Variants in LSG1 observed in about 807,000 individuals in gnomAD.
LSG1 encodes the protein large subunit GTPase 1 homolog.
Under a neutral mutation model 82.6 loss-of-function variants are expected in LSG1, and 55 were observed. The ratio of observed to expected loss-of-function variants is 0.67; its 90% CI spans 0.54 to 0.83. The LOEUF is 0.83. Ranked by LOEUF, LSG1 falls within the 40% of genes least tolerant of loss-of-function variation. The pLI, the probability that LSG1 is intolerant of heterozygous loss-of-function variation, is 0.00. For missense variants in LSG1, 809 were observed against 807.9 expected, an observed-to-expected ratio of 1.00 and a Z score of -0.02; for synonymous variants, 272 against 282.5, an observed-to-expected ratio of 0.96 and a Z score of 0.37.
chr3:194,659,041 C>T lies in LSG1; in HGVS notation c.675G>A (p.Trp225Ter), dbSNP rs776162064. Residue 225 changes from tryptophan (W) to a stop codon, truncating the protein, a stop_gained, in exon 7 of 14, where the codon TGG becomes TGA. Transcript: ENST00000265245. LOFTEE classifies it high-confidence loss of function. ...CATCTTCTTTTTCGAAGTACATGGC[C>T]CAGGCACTCCGCTGCTCAGCAGTCA... ...DLLTAEQRSAWAMYFEKEDVK... is the reference protein window; with the variant it reads ...DLLTAEQRSA 1.2e-6 allele frequency: 2 copies of T among 1,614,046 alleles called. No individual in the cohort carries two copies. The highest frequency in any genetic ancestry group is 2.2e-5 in the South Asian group (2 of 91,092).
In LSG1 at chr3:194,642,098, ACTTTTTT is replaced by A. The variant is rs1040250843; in HGVS notation, c.1940_1946del (p.Glu647ValfsTer41). On this transcript the variant is annotated frameshift_variant, in exon 14 of 14. Coordinates refer to ENST00000265245, the MANE Select transcript of LSG1 (RefSeq NM_018385.3). LOFTEE classifies it high-confidence loss of function. Reference sequence around the variant, plus strand: ...TATCCAGGTGCTTGTAGAGTCTACGACTTTTTTCTTTTTTATTTCTGTTGCCATGTTT... The same window carrying A: ...TATCCAGGTGCTTGTAGAGTCTACGACTTTTTTATTTCTGTTGCCATGTTT... 3.1e-6 allele frequency: 5 copies of A among 1,612,854 alleles called. No individual in the cohort carries two copies. The African/African-American group carries it at 6.7e-5, about 22-fold the overall frequency.
At chr3:194,648,620 AT>A in intron 11 of LSG1, 60 bp downstream of exon 11, 1 of 1,525,738 alleles carries the variant, frequency 6.6e-7, no homozygotes, top group Non-Finnish European at 9.0e-7. Context: ...TACTATTCTT[AT>A]TTCTATTCAT....
chr3:194,665,529 T>C (rs771613732), intron 5 of LSG1, 28 bp downstream of exon 5: 50 of 1,552,428 alleles, frequency 3.2e-5, no homozygotes, highest in Non-Finnish European at 4.4e-5. Context: ...ACAATGTCTT[T>C]ATTACACAAA....
intron 11 of LSG1, among the ~76,000 whole-genome samples, chr3:194,647,825 G>T (rs2108615833): frequency 6.6e-6 from 1 of 152,302 alleles, no homozygotes; most frequent in South Asian, 2.1e-4. Flanking sequence ...AAAAGCAGGG[G>T]CTAGGAGGTG....
At chr3:194,649,156 G>A (rs1675954) in intron 10 of LSG1, 1 of 226,556 alleles carries the variant, frequency 4.4e-6, no homozygotes, top group Non-Finnish European at 8.6e-6. Context: ...CCTACAGTTA[G>A]GCAGGATTAC....
At chr3:194,663,310 C>A (rs1323759551) in intron 5 of LSG1, among the ~76,000 whole-genome samples, 1 of 152,196 alleles carries the variant, frequency 6.6e-6, no homozygotes, top group Admixed American at 6.5e-5. Flanking sequence ...AAGCCCTCCT[C>A]AAGCTTGAGT....
At chr3:194,656,134 A>G (rs1199063408) in intron 7 of LSG1, among the ~76,000 whole-genome samples, 2 of 151,978 alleles carry the variant, frequency 1.3e-5, no homozygotes, top group African/African-American at 2.4e-5. Flanking sequence ...TGGCAACAAA[A>G]GCCAAAATTG....
At chr3:194,646,361 G>A (rs1399763346) in intron 11 of LSG1, 118 bp from the exon 12 acceptor site, 1 of 695,446 alleles carries the variant, frequency 1.4e-6, no homozygotes, top group African/African-American at 1.8e-5. Context: ...AAAAAATTAG[G>A]TATCATTGTA....
chr3:194,664,758 A>G (rs901657808), intron 5 of LSG1, among the ~76,000 whole-genome samples: 2 of 151,628 alleles, frequency 1.3e-5, no homozygotes, highest in Non-Finnish European at 2.9e-5. Context: ...TACTAAAAAT[A>G]CAAAAAAAAA....
At chr3:194,654,253 C>G (rs1718746784) in intron 7 of LSG1, among the ~76,000 whole-genome samples, 1 of 152,154 alleles carries the variant, frequency 6.6e-6, no homozygotes, top group African/African-American at 2.4e-5. Flanking sequence ...ATGAAAGATT[C>G]CCTTTGGAAA....
chr3:194,665,463 C>G, intron 5 of LSG1, 94 bp downstream of exon 5: 2 of 788,746 alleles, frequency 2.5e-6, no homozygotes. Flanking sequence ...TAGCTTAATT[C>G]CCATACCCTG....
Position 194,653,122 on chromosome 3 carries a change from A to G in LSG1, c.780T>C (p.Asp260=), listed in dbSNP as rs768004311. Residue 260 remains aspartate, a synonymous_variant, in exon 8 of 14, where the codon GAT becomes GAC. Transcript: ENST00000265245. ...GDSEEEANRD[D]RQSNTTKFGH... ...CAAACTTGGTTGTGTTGCTTTGTCT[A>G]TCATCTCTGTTTGCCTCTTCCTGAC... The G allele has an allele frequency of 1.5e-5, 24 of 1,613,838 alleles. 1 individual carries two copies. In the Admixed American group the frequency reaches 3.7e-4, roughly 25 times the overall value.
chr3:194,660,308 G>A lies in LSG1; in HGVS notation c.522-175C>T, dbSNP rs138262230. On this transcript the variant is annotated intron_variant, in intron 5 of 13. Transcript: ENST00000265245. Reference sequence around the variant, plus strand: ...TATGAGTGACTTAAGGCTCAGAGCAGTTAAGTAACTTGCCCAAGGCCACCA... The same window carrying A: ...TATGAGTGACTTAAGGCTCAGAGCAATTAAGTAACTTGCCCAAGGCCACCA... 1.8e-4 allele frequency among the ~76,000 whole-genome samples: 27 copies of A among 152,322 alleles called. No individual in the cohort carries two copies. The East Asian group carries it at 3.7e-3, about 21-fold the overall frequency.
chr3:194,645,006 C>T (rs1718489949), intron 12 of LSG1: 1 of 324,274 alleles, frequency 3.1e-6, no homozygotes, highest in Non-Finnish European at 5.6e-6. Context: ...CATTCCCACT[C>T]AAGTATTCTT....
chr3:194,668,181 C>T (rs549419744), intron 2 of LSG1, among the ~76,000 whole-genome samples: 1 of 152,018 alleles, frequency 6.6e-6, no homozygotes, highest in African/African-American at 2.4e-5. Flanking sequence ...AGATTTGCCT[C>T]TTTAGGACTT....
intron 6 of LSG1, 62 bp downstream of exon 6, chr3:194,660,011 G>T: frequency 7.4e-7 from 1 of 1,359,544 alleles, no homozygotes; most frequent in Non-Finnish European, 1.1e-6. Context: ...ATTGCTGAGG[G>T]ATGCGGTGCT....
At chr3:194,648,555 T>C in intron 11 of LSG1, 126 bp downstream of exon 11, 2 of 1,132,216 alleles carry the variant, frequency 1.8e-6, no homozygotes. Flanking sequence ...GCTTGAAAAA[T>C]GCTGAAGAAA....
chr3:194,658,591 C>G (rs1718855027), intron 7 of LSG1, among the ~76,000 whole-genome samples: 1 of 152,204 alleles, frequency 6.6e-6, no homozygotes, highest in African/African-American at 2.4e-5. Flanking sequence ...AAAAGAGATT[C>G]TAATCAAGTC....
intron 2 of LSG1, 67 bp downstream of exon 2, chr3:194,669,942 C>CA (rs1045790028): frequency 1.4e-4 from 225 of 1,553,834 alleles, no homozygotes; most frequent in Middle Eastern, 3.5e-4. Context: ...AAACAAAAAA[C>CA]AAAAAAAACC....
Sources: gnomAD v4.1 joint callset for allele counts (sites outside exome capture counted in the v4.1 genomes callset) on GRCh38, gnomAD v4.1.1 for gene constraint, MANE v1.5 for transcripts, NCBI Gene and HGNC (gene_info 2026-07-23, HGNC 2026-07-21) for gene names.